The following IL18R1 variants were observed in gnomAD, a reference collection of about 807,000 sequenced individuals.
IL18R1 encodes interleukin-18 receptor 1.
IL18R1 carries 40 observed loss-of-function variants against 48.5 expected under a neutral mutation model. The observed-to-expected ratio is 0.82, with a 90% CI of 0.64 to 1.07. The LOEUF (loss-of-function observed/expected upper bound fraction) is 1.07, where lower values mean the gene tolerates loss of function less well. Among genes scored for constraint, IL18R1 ranks in the 50% least tolerant of loss-of-function variants. The pLI is 0.00. For synonymous variants in IL18R1, 232 were observed against 225.9 expected (o/e 1.03, Z -0.24); for missense variants, 596 against 633.7 (o/e 0.94, Z 0.64).
At chr2:102,394,350 TTATA>T (rs1272420593) in intron 9 of IL18R1, 115 bp from the exon 10 acceptor site, 1 of 728,380 alleles carries the variant, frequency 1.4e-6, no homozygotes, top group African/African-American at 1.8e-5. Context: ...ATAAACAACT[TTATA>T]TATAATTTGT....
intron 9 of IL18R1, among the ~76,000 whole-genome samples, chr2:102,390,934 CAA>C (rs57709990): frequency 7.5e-5 from 6 of 80,234 alleles, no homozygotes; most frequent in East Asian, 3.6e-4. Context: ...GACTCCGTCT[CAA>C]AAAAAAAAAA....
intron 1 of IL18R1, among the ~76,000 whole-genome samples, chr2:102,361,196 T>C (rs1282886535): frequency 1.3e-5 from 2 of 152,192 alleles, no homozygotes; most frequent in Non-Finnish European, 2.9e-5. Context: ...TTTTATTCTA[T>C]CCAAGATAAA....
intron 5 of IL18R1, 122 bp downstream of exon 5, chr2:102,376,185 G>A (rs756189335): frequency 9.9e-5 from 63 of 639,002 alleles, no homozygotes; most frequent in Non-Finnish European, 1.4e-4. Flanking sequence ...CACACCACTA[G>A]TTCAAATATG....
At chr2:102,388,999 T>A (rs1680406568) in intron 8 of IL18R1, among the ~76,000 whole-genome samples, 1 of 152,186 alleles carries the variant, frequency 6.6e-6, no homozygotes, top group Admixed American at 6.5e-5. Flanking sequence ...TTTTTGTATA[T>A]GTATATACAT....
rs35218484 is a variant in IL18R1 at position 102,373,055 on chromosome 2, G to A, written c.468+937G>A. On this transcript the variant is annotated intron_variant, in intron 4 of 10. Coordinates refer to ENST00000233957, the MANE Select transcript of IL18R1 (RefSeq NM_003855.5). ...CACCTCCACAACACAGGGAAATAAT[G>A]GTCCCAGAATGTTTAAAATTTGATA... is the stretch of plus-strand genomic sequence containing the variant. 3.2e-3 allele frequency among the ~76,000 whole-genome samples: 482 copies of A among 152,144 alleles called. 3 individuals are homozygous for A. The highest frequency in any genetic ancestry group is 0.011 in the African/African-American group (458 of 41,518).
intron 4 of IL18R1, among the ~76,000 whole-genome samples, chr2:102,375,350 A>T (rs11465622): frequency 6.6e-6 from 1 of 152,208 alleles, no homozygotes; most frequent in African/African-American, 2.4e-5. Flanking sequence ...GTTTGAGTGT[A>T]CCTATGGATT....
At chr2:102,368,196 C>A in intron 3 of IL18R1, 128 bp downstream of exon 3, 1 of 1,004,508 alleles carries the variant, frequency 1.0e-6, no homozygotes, top group Non-Finnish European at 1.5e-6. Flanking sequence ...CTTCCTATGA[C>A]ATGAAATACA....
Position 102,356,231 on chromosome 2 carries a change from C to A in IL18R1, c.-198C>A. 14 of 328,910 alleles carry A rather than the reference C, an allele frequency of 4.3e-5. No homozygotes were observed. The highest frequency in any genetic ancestry group is 6.0e-5 in the Non-Finnish European group (14 of 234,034). 20.4% of individuals were successfully genotyped at this position (328,910 alleles called of 1,614,324 possible). ...TCTTTTTTTTTTTTTTTGTAGCCCT[C>A]TCTGGGTGCCTTATCTCTTTAATCA... On this transcript the variant is annotated 5_prime_UTR_variant, in exon 1 of 11. Transcript: ENST00000233957.
At chr2:102,361,108 T>C (rs561921702) in intron 1 of IL18R1, among the ~76,000 whole-genome samples, 2 of 152,334 alleles carry the variant, frequency 1.3e-5, no homozygotes, top group African/African-American at 4.8e-5. Flanking sequence ...TTGGTAGATA[T>C]TGAATATTTT....
intron 9 of IL18R1, among the ~76,000 whole-genome samples, chr2:102,391,948 G>A (rs916960392): frequency 2.0e-5 from 3 of 152,132 alleles, no homozygotes; most frequent in African/African-American, 7.2e-5. Flanking sequence ...TTATATTTTA[G>A]GGAGGTTAGC....
rs1221106362 is a variant in IL18R1, at chr2:102,376,051, A to G, written c.613A>G (p.Thr205Ala). ...LFNITKTFNI[T>A]IVEDRSNIVP... ...TAATATCACCAAAACCTTCAATATA[A>G]CAATAGTGGAAGGTAAGGGAAATCT... Residue 205 changes from threonine to alanine, a missense_variant, in exon 5 of 11, where the codon ACA becomes GCA. This residue lies in a region of IL18R1 where 360 missense variants were observed against 339.4 expected (regional missense o/e 1.06). Transcript: ENST00000233957. 3.8e-6 allele frequency: 6 copies of G among 1,578,880 alleles called. No homozygotes were observed. Among genetic ancestry groups the G allele is most frequent in the Non-Finnish European group, 5.1e-6 (6 of 1,168,378 alleles).
At chr2:102,366,728 A>G (rs1573189518) in intron 2 of IL18R1, among the ~76,000 whole-genome samples, 1 of 152,280 alleles carries the variant, frequency 6.6e-6, no homozygotes, top group East Asian at 1.9e-4. Context: ...CAAAAGGGGG[A>G]AAAGCCCCTT....
At chr2:102,388,672 G>C (rs1278989475) in intron 8 of IL18R1, among the ~76,000 whole-genome samples, 1 of 152,124 alleles carries the variant, frequency 6.6e-6, no homozygotes, top group Non-Finnish European at 1.5e-5. Context: ...TTAGAAATTG[G>C]GGCTCACAAC....
intron 8 of IL18R1, among the ~76,000 whole-genome samples, chr2:102,388,304 A>T (rs1450219337): frequency 6.6e-6 from 1 of 152,208 alleles, no homozygotes; most frequent in African/African-American, 2.4e-5. Context: ...TCCTGCCATG[A>T]TCTCATCCAG....
At chr2:102,383,052 CAA>C (rs939298596) in intron 6 of IL18R1, among the ~76,000 whole-genome samples, 1 of 151,784 alleles carries the variant, frequency 6.6e-6, no homozygotes, top group Non-Finnish European at 1.5e-5. Context: ...CTTTTTCCAA[CAA>C]AAAAAATTGG....
intron 9 of IL18R1, among the ~76,000 whole-genome samples, chr2:102,391,458 G>T (rs1680566217): frequency 6.6e-6 from 1 of 152,136 alleles, no homozygotes; most frequent in Admixed American, 6.5e-5. Flanking sequence ...TATTTTATTT[G>T]TGCAGAGCTA....
intron 4 of IL18R1, among the ~76,000 whole-genome samples, chr2:102,375,108 A>G (rs1398314367): frequency 1.3e-5 from 2 of 152,204 alleles, no homozygotes; most frequent in Non-Finnish European, 2.9e-5. Flanking sequence ...AGTGGCTGCC[A>G]GCTCTGAGGG....
chr2:102,379,444 C>CAAAAAA (rs112656218), intron 5 of IL18R1, among the ~76,000 whole-genome samples: 1 of 102,936 alleles, frequency 9.7e-6, no homozygotes, highest in African/African-American at 3.6e-5. Context: ...GACTCGGTCT[C>CAAAAAA]AAAAAAAAAA....
In IL18R1 at chr2:102,367,926, A is replaced by G. The variant is rs1326301745; in HGVS notation, c.160A>G (p.Lys54Glu). 1 of 1,614,242 alleles carries G rather than the reference A, an allele frequency of 6.2e-7. No homozygotes were observed. The highest frequency in any genetic ancestry group is 1.1e-5 in the South Asian group (1 of 91,088). Residue 54 changes from lysine (K) to glutamate (E), a missense_variant, in exon 3 of 11, where the codon AAA becomes GAA. Lys to Glu is a moderately conservative substitution (Grantham distance 56). Transcript: ENST00000233957. ...SLAHEIETTT[K>E]SWYKSSGSQE... ...TGCACATGAGATTGAAACAACCACC[A>G]AAAGCTGGTACAAAAGCAGTGGATC...
Sources: allele counts gnomAD v4.1 joint callset (sites outside exome capture counted in the v4.1 genomes callset), GRCh38; gene constraint gnomAD v4.1.1; regional missense constraint gnomAD v4.1.1; transcripts MANE v1.5; gene names NCBI Gene and HGNC (gene_info 2026-07-23, HGNC 2026-07-21).